The following PXDNL variants were observed in gnomAD, a reference collection of about 807,000 sequenced individuals.
PXDNL encodes probable oxidoreductase PXDNL.
A neutral mutation model predicts 150.8 loss-of-function variants in PXDNL; 145 were observed. The observed-to-expected ratio is 0.96, with a 90% confidence interval of 0.84 to 1.10. The LOEUF is 1.10. Among genes scored for constraint, PXDNL ranks in the 50% least tolerant of loss-of-function variants. The pLI is 0.00. For missense variants in PXDNL, 2,087 were observed against 1,873.9 expected (o/e 1.11, Z -2.10); for synonymous variants, 757 against 725.7 (o/e 1.04, Z -0.69).
intron 2 of PXDNL, among the ~76,000 whole-genome samples, chr8:51,614,687 A>AT (rs1814095297): frequency 6.6e-6 from 1 of 152,062 alleles, no homozygotes; most frequent in African/African-American, 2.4e-5. Flanking sequence ...TCGACTTTAG[A>AT]TTTTTTTACA....
chr8:51,552,672 C>T (rs923134461), intron 4 of PXDNL, among the ~76,000 whole-genome samples: 4 of 151,982 alleles, frequency 2.6e-5, no homozygotes, highest in Admixed American at 6.6e-5. Flanking sequence ...TCCAGGTATT[C>T]GGAGTAAGGA....
chr8:51,404,640 ATTGGTG>A (rs1218376205), intron 17 of PXDNL, among the ~76,000 whole-genome samples: 5 of 152,206 alleles, frequency 3.3e-5, no homozygotes, highest in African/African-American at 9.6e-5. Context: ...CAGGGTGCTG[ATTGGTG>A]CATTTACAAA....
At chr8:51,350,102 G>A (rs1349268440) in intron 19 of PXDNL, among the ~76,000 whole-genome samples, 1 of 151,894 alleles carries the variant, frequency 6.6e-6, no homozygotes, top group Non-Finnish European at 1.5e-5. Context: ...CGAGGAGTGG[G>A]TTTAGAGGCA....
At chr8:51,415,268 G>A (rs767541496) in intron 14 of PXDNL, among the ~76,000 whole-genome samples, 8 of 152,132 alleles carry the variant, frequency 5.3e-5, no homozygotes, top group Non-Finnish European at 7.4e-5. Context: ...GTCTGTTCTC[G>A]CATTGCTATA....
chr8:51,602,717 C>A (rs1813749385), intron 2 of PXDNL, among the ~76,000 whole-genome samples: 1 of 151,530 alleles, frequency 6.6e-6, no homozygotes, highest in Admixed American at 6.6e-5. Context: ...TGTATCTTTT[C>A]TTTATCAACT....
rs543513538 is a variant in PXDNL at position 51,542,855 on chromosome 8, A to G, written c.380+13985T>C. ...GAAAATGAGACACTCTTTTACAATA[A>G]ACTAGACAGATCAACAAAGGCCAAA... is the stretch of plus-strand genomic sequence containing the variant. On this transcript the variant is annotated intron_variant, in intron 4 of 22. Coordinates refer to ENST00000356297, the MANE Select transcript of PXDNL (RefSeq NM_144651.5). Among the ~76,000 whole-genome samples, 23 of 152,202 alleles carry G rather than the reference A, an allele frequency of 1.5e-4. 1 individual carries two copies. In the South Asian group the frequency reaches 4.6e-3, roughly 30 times the overall value.
At chr8:51,470,667 C>T (rs889799578) in intron 8 of PXDNL, among the ~76,000 whole-genome samples, 5 of 152,022 alleles carry the variant, frequency 3.3e-5, no homozygotes, top group Admixed American at 6.5e-5. Context: ...ACAGAGGCCT[C>T]GGAAATAGTG....
intron 16 of PXDNL, 51 bp from the exon 17 acceptor site, chr8:51,409,612 G>T: frequency 1.4e-6 from 2 of 1,462,338 alleles, no homozygotes; most frequent in East Asian, 2.5e-5. Flanking sequence ...GGGAGGGCGC[G>T]GGCAACTTGG....
At position 51,463,620 on chromosome 8, in the gene PXDNL, T is replaced by C. The variant is rs139776468; in HGVS notation, c.813-5953A>G. Among the ~76,000 whole-genome samples the C allele has an allele frequency of 5.3e-5, 8 of 152,318 alleles. No individual in the cohort carries two copies. The East Asian group carries it at 1.3e-3, about 26-fold the overall frequency. On this transcript the variant is annotated intron_variant, in intron 8 of 22. Transcript: ENST00000356297. ...TTGACACTTGACCAACCAGACTTGATAGATAGCTACAGAACACTTTATCCA... is the reference window on the plus strand; with the variant it reads ...TTGACACTTGACCAACCAGACTTGACAGATAGCTACAGAACACTTTATCCA...
At chr8:51,683,917 T>TC (rs948261179) in intron 1 of PXDNL, among the ~76,000 whole-genome samples, 1 of 152,196 alleles carries the variant, frequency 6.6e-6, no homozygotes, top group Non-Finnish European at 1.5e-5. Flanking sequence ...CCTTAAGTGT[T>TC]CCAAAATGGA....
rs551020026 is a variant in PXDNL at position 51,456,784 on chromosome 8, A to G, written c.982+714T>C. ...ACTAGGAATTGGCCATGGTGAGATTATTTATAGAACAGATACTGACAAATG... is the reference window on the plus strand; with the variant it reads ...ACTAGGAATTGGCCATGGTGAGATTGTTTATAGAACAGATACTGACAAATG... On this transcript the variant is annotated intron_variant, in intron 9 of 22. Transcript: ENST00000356297. Among the ~76,000 whole-genome samples the G allele has an allele frequency of 2.0e-5, 3 of 152,324 alleles. No homozygotes were observed. The South Asian group carries it at 6.2e-4, about 32-fold the overall frequency.
At chr8:51,384,024 T>G (rs943564609) in intron 17 of PXDNL, among the ~76,000 whole-genome samples, 1 of 152,174 alleles carries the variant, frequency 6.6e-6, no homozygotes, top group Non-Finnish European at 1.5e-5. Context: ...ATAAAAATCC[T>G]TCCCCAAAAC....
intron 1 of PXDNL, among the ~76,000 whole-genome samples, chr8:51,756,211 A>T (rs1206630598): frequency 6.6e-6 from 1 of 152,032 alleles, no homozygotes; most frequent in Non-Finnish European, 1.5e-5. Context: ...CTGGGCAACA[A>T]GGCAAAATAC....
At chr8:51,522,543 G>T (rs946857495) in intron 4 of PXDNL, among the ~76,000 whole-genome samples, 1 of 152,066 alleles carries the variant, frequency 6.6e-6, no homozygotes, top group African/African-American at 2.4e-5. Context: ...TATTGTAATT[G>T]GCCTTATAAG....
intron 5 of PXDNL, among the ~76,000 whole-genome samples, chr8:51,493,978 T>C (rs1395081217): frequency 1.3e-5 from 2 of 152,010 alleles, no homozygotes; most frequent in Non-Finnish European, 2.9e-5. Context: ...CACATAATTG[T>C]CAGATTCACC....
At position 51,785,654 on chromosome 8, in the gene PXDNL, C is replaced by G. The variant is rs554084465; in HGVS notation, c.164+23527G>C. On this transcript the variant is annotated intron_variant, in intron 1 of 22. Transcript: ENST00000356297. Reference sequence around the variant, plus strand: ...TTGTAATTGTTTGGGGGACCACGAACCACAGCCACACAAAATGGTGTACTT... The same window carrying G: ...TTGTAATTGTTTGGGGGACCACGAAGCACAGCCACACAAAATGGTGTACTT... Among the ~76,000 whole-genome samples the G allele has an allele frequency of 3.9e-5, 6 of 152,304 alleles. No individual in the cohort carries two copies. In the East Asian group the frequency reaches 9.6e-4, roughly 24 times the overall value.
At chr8:51,778,642 A>G (rs2037380928) in intron 1 of PXDNL, among the ~76,000 whole-genome samples, 1 of 152,230 alleles carries the variant, frequency 6.6e-6, no homozygotes, top group African/African-American at 2.4e-5. Flanking sequence ...ATGTTGCCCA[A>G]AATGACAGGA....
rs952062746 is a variant in PXDNL, at chr8:51,607,369, C to T, written c.237-14671G>A. ...TTTCTTTCTTCCAGAGCCTTCAATC[C>T]CTGATGTTCATAACAAAGGAGGCAC... On this transcript the variant is annotated intron_variant, in intron 2 of 22. Coordinates refer to ENST00000356297, the MANE Select transcript of PXDNL (RefSeq NM_144651.5). Among the ~76,000 whole-genome samples the T allele has an allele frequency of 1.4e-4, 21 of 152,118 alleles. 1 individual carries two copies. The highest frequency in any genetic ancestry group is 1.3e-4 in the Non-Finnish European group (9 of 68,028).
At chr8:51,426,901 G>A (rs1809120051) in intron 12 of PXDNL, 143 bp from the exon 13 acceptor site, 1 of 575,876 alleles carries the variant, frequency 1.7e-6, no homozygotes, top group South Asian at 2.2e-5. Context: ...GACGTCTAGG[G>A]GAATAACAAG....
Sources: allele counts gnomAD v4.1 joint callset (sites outside exome capture counted in the v4.1 genomes callset), GRCh38; gene constraint gnomAD v4.1.1; transcripts MANE v1.5; gene names NCBI Gene and HGNC (gene_info 2026-07-23, HGNC 2026-07-21).